Variants in PHKA1 observed in about 807,000 individuals in gnomAD.
The protein encoded by PHKA1 is phosphorylase kinase regulatory subunit alpha 1, also known as phosphorylase b kinase regulatory subunit alpha, skeletal muscle isoform.
In PHKA1, 60 loss-of-function variants were observed where a neutral mutation model predicts 110.2. The observed-to-expected ratio is 0.54, with a 90% CI of 0.44 to 0.68. The LOEUF is 0.68. Among genes scored for constraint, PHKA1 ranks in the 30% least tolerant of loss-of-function variants. The probability of loss-of-function intolerance (pLI) is 0.00; values close to 1 mark genes in which losing one functional copy is unlikely to be tolerated. For synonymous variants in PHKA1, 316 were observed against 333.6 expected (o/e 0.95, Z 0.58); for missense variants, 801 against 942.5 (o/e 0.85, Z 1.97).
In PHKA1 at chrX:72,580,031, A is replaced by G. The variant is rs1404033216; in HGVS notation, c.*971T>C. The G allele has an allele frequency of 9.0e-6, 1 of 111,334 alleles. No individual in the cohort carries two copies. The highest frequency in any genetic ancestry group is 1.9e-5 in the Non-Finnish European group (1 of 53,084). 9.2% of individuals were successfully genotyped at this position (111,334 alleles called of 1,213,427 possible). A position where few individuals can be genotyped will look rare whatever the true frequency, so the allele number is the denominator to read the frequency against. ...ATCTTTGCTGAATACAGACGCTTCAAATTATTGTCTGTGTTGTGTATTGGC... is the reference window on the plus strand; with the variant it reads ...ATCTTTGCTGAATACAGACGCTTCAGATTATTGTCTGTGTTGTGTATTGGC... On this transcript the variant is annotated 3_prime_UTR_variant, in exon 32 of 32. Coordinates refer to ENST00000373542, the MANE Select transcript of PHKA1 (RefSeq NM_002637.4).
At chrX:72,693,380 C>A (rs1467964172) in intron 4 of PHKA1, among the ~76,000 whole-genome samples, 1 of 112,146 alleles carries the variant, frequency 8.9e-6, no homozygotes, top group African/African-American at 3.2e-5. Context: ...AACTTTTCCA[C>A]ACTCTGTTAA....
intron 25 of PHKA1, among the ~76,000 whole-genome samples, chrX:72,603,472 C>T (rs782609490): frequency 1.8e-5 from 2 of 111,407 alleles, no homozygotes; most frequent in Admixed American, 1.9e-4. Context: ...GCTTCCAGAC[C>T]ATTAGGGTAC....
At chrX:72,617,896 G>C (rs1350092893) in intron 21 of PHKA1, among the ~76,000 whole-genome samples, 1 of 109,532 alleles carries the variant, frequency 9.1e-6, no homozygotes, top group African/African-American at 3.3e-5. Flanking sequence ...TATGAGGCCA[G>C]CATTACCCTG....
intron 12 of PHKA1, 49 bp downstream of exon 12, chrX:72,652,495 G>A (rs782777573): frequency 1.5e-6 from 1 of 684,496 alleles, no homozygotes; most frequent in South Asian, 2.2e-5. Flanking sequence ...TGATTATTAT[G>A]GTGACTTAAG....
intron 8 of PHKA1, among the ~76,000 whole-genome samples, chrX:72,660,125 T>G (rs1030223036): frequency 1.8e-5 from 2 of 112,195 alleles, no homozygotes; most frequent in Non-Finnish European, 3.8e-5. Flanking sequence ...GTAATTAGAC[T>G]CATTTTTCAG....
At chrX:72,656,364 G>T in intron 9 of PHKA1, 122 bp from the exon 10 acceptor site, 1 of 697,918 alleles carries the variant, frequency 1.4e-6, no homozygotes, top group Non-Finnish European at 2.2e-6. Flanking sequence ...AGGAAGCAGA[G>T]CATGTACATA....
rs143843256 is a variant in PHKA1, at chrX:72,613,782, G to A, written c.2370-2598C>T. ...GATCAAAGTTTACAGTATCAGCAAT[G>A]GGACTAATCAACACTATGATATGAC... On this transcript the variant is annotated intron_variant, in intron 21 of 31. Coordinates refer to ENST00000373542, the MANE Select transcript of PHKA1 (RefSeq NM_002637.4). 3.2e-3 allele frequency among the ~76,000 whole-genome samples: 360 copies of A among 111,911 alleles called. 1 individual carries two copies. The highest frequency in any genetic ancestry group is 0.011 in the African/African-American group (348 of 30,824).
At chrX:72,660,661 T>C in intron 8 of PHKA1, 2 of 340,341 alleles carry the variant, frequency 5.9e-6, no homozygotes, top group Non-Finnish European at 5.6e-6. Context: ...TTCCTCATTA[T>C]GAGAAATTAA....
At position 72,582,476 on chromosome X, in the gene PHKA1, A is replaced by C. The variant is rs1556203991; in HGVS notation, c.3420T>G (p.Ile1140Met). 1 of 1,205,366 alleles carries C rather than the reference A, an allele frequency of 8.3e-7. No individual in the cohort carries two copies. Among genetic ancestry groups the C allele is most frequent in the East Asian group, 3.0e-5 (1 of 33,840 alleles). Residue 1140 changes from isoleucine (I) to methionine (M), a missense_variant, in exon 31 of 32, where the codon ATT (isoleucine) becomes ATG (methionine). Physicochemically the swap from Ile to Met is conservative, Grantham distance 10. Coordinates refer to ENST00000373542, the MANE Select transcript of PHKA1 (RefSeq NM_002637.4). ...AILVLTMLAD[I>M]EIHSIGSIIA... ...TGATGCTTCCGATGCTATGAATTTC[A>C]ATATCTGCCAGCATGGTGAGGACAA...
At chrX:72,594,587 A>G (rs1198083112) in intron 28 of PHKA1, among the ~76,000 whole-genome samples, 1 of 112,638 alleles carries the variant, frequency 8.9e-6, no homozygotes, top group African/African-American at 3.2e-5. Flanking sequence ...GAAAGATAAC[A>G]TCTTAATAGA....
At chrX:72,671,603 A>G (rs1443093186) in intron 6 of PHKA1, among the ~76,000 whole-genome samples, 1 of 111,599 alleles carries the variant, frequency 9.0e-6, no homozygotes, top group Non-Finnish European at 1.9e-5. Flanking sequence ...GTTCATACGG[A>G]ACCAAAAAAG....
chrX:72,622,188 G>T (rs782776421), intron 18 of PHKA1: 2 of 752,632 alleles, frequency 2.7e-6, no homozygotes, highest in Non-Finnish European at 3.1e-6. Context: ...GTGGTGCTTA[G>T]TGAGTAAATG....
intron 29 of PHKA1, among the ~76,000 whole-genome samples, chrX:72,589,895 C>T (rs957207792): frequency 9.9e-5 from 11 of 110,828 alleles, no homozygotes; most frequent in Non-Finnish European, 2.1e-4. Flanking sequence ...TCAAGGAGAA[C>T]TACAAACCAC....
Position 72,679,343 on chromosome X carries a change from A to G in PHKA1, c.538-3193T>C, listed in dbSNP as rs781985699. Among the ~76,000 whole-genome samples the G allele has an allele frequency of 4.1e-4, 45 of 109,656 alleles. 1 individual carries two copies. Among genetic ancestry groups the G allele is most frequent in the Non-Finnish European group, 5.9e-4 (31 of 52,755 alleles). On this transcript the variant is annotated intron_variant, in intron 5 of 31. Coordinates refer to ENST00000373542, the MANE Select transcript of PHKA1 (RefSeq NM_002637.4). ...AACTAAATTAACTAGGTCCCTGAAC[A>G]AAGCTCGGGAATATTTACAGGAATA...
rs372951020 is a variant in PHKA1, at chrX:72,627,100, T to C, written c.1715-51A>G. The C allele has an allele frequency of 2.5e-4, 230 of 914,211 alleles. No homozygotes were observed. In the African/African-American group the frequency reaches 3.7e-3, roughly 15 times the overall value. 75.3% of individuals were successfully genotyped at this position (914,211 alleles called of 1,213,427 possible). A position where few individuals can be genotyped will look rare whatever the true frequency, so the allele number is the denominator to read the frequency against. ...AATCTTTGTGGTTTTAACTCTGAAG[T>C]AGGGAGAAATCTTGTAATTATTTCA... On this transcript the variant is annotated intron_variant, in intron 16 of 31. Transcript: ENST00000373542.
intron 18 of PHKA1, 196 bp downstream of exon 18, chrX:72,622,913 C>T: frequency 1.3e-6 from 1 of 753,383 alleles, no homozygotes; most frequent in East Asian, 1.5e-4. Context: ...CTCCATACTC[C>T]ACAATTACCG....
chrX:72,681,831 C>T (rs1311847664), intron 5 of PHKA1, among the ~76,000 whole-genome samples: 13 of 28,474 alleles, frequency 4.6e-4, no homozygotes, highest in Admixed American at 3.2e-3. Context: ...CCAGCCGCCC[C>T]GTCCGGGAGG....
Position 72,601,974 on chromosome X carries a change from A to T in PHKA1, c.3072+17T>A. On this transcript the variant is annotated intron_variant, in intron 28 of 31. Transcript: ENST00000373542. The stretch of plus-strand genomic sequence containing the variant: ...AAGGTAAGTTAAACCATGTTAAATG[A>T]TCCCTAGTTGTTTCACCTGACTCTC... 1 of 1,167,319 alleles carries T rather than the reference A, an allele frequency of 8.6e-7. No individual in the cohort carries two copies. Among genetic ancestry groups the T allele is most frequent in the South Asian group, 1.8e-5 (1 of 55,130 alleles).
At chrX:72,593,315 T>C in intron 28 of PHKA1, 41 bp from the exon 29 acceptor site, 4 of 1,033,518 alleles carry the variant, frequency 3.9e-6, no homozygotes, top group Non-Finnish European at 5.4e-6. Context: ...AAAAGTTATC[T>C]CTGTTTCTAT....
Sources: gnomAD v4.1 joint callset for allele counts (sites outside exome capture counted in the v4.1 genomes callset) on GRCh38, gnomAD v4.1.1 for gene constraint, MANE v1.5 for transcripts, NCBI Gene and HGNC (gene_info 2026-07-23, HGNC 2026-07-21) for gene names.